Variants in CEP170B observed in about 807,000 individuals in gnomAD.
The protein encoded by CEP170B is centrosomal protein 170B.
A neutral mutation model predicts 120.6 loss-of-function variants in CEP170B; 55 were observed. The ratio of observed to expected loss-of-function variants is 0.46; its 90% CI spans 0.37 to 0.57. The LOEUF (loss-of-function observed/expected upper bound fraction) is 0.57, where lower values mean the gene tolerates loss of function less well. Ranked by LOEUF, CEP170B falls within the 20% of genes least tolerant of loss-of-function variation. CEP170B has a pLI of 0.00. For missense variants in CEP170B, 2,212 were observed against 2,253.3 expected (o/e 0.98, Z 0.37); for synonymous variants, 1,033 against 954.5 (o/e 1.08, Z -1.52).
chr14:104,878,039 A>T, intron 4 of CEP170B, 76 bp downstream of exon 4: 7 of 1,230,466 alleles, frequency 5.7e-6, no homozygotes, highest in Non-Finnish European at 8.2e-6. Flanking sequence ...GTTACTCCAG[A>T]AGCAGGGCTG....
rs889621281 is a variant in CEP170B, at chr14:104,887,986, C to T, written c.3739+8C>T. The T allele has an allele frequency of 1.1e-5, 16 of 1,478,830 alleles. No homozygotes were observed. The highest frequency in any genetic ancestry group is 2.8e-5 in the African/African-American group (2 of 72,000). The allele number at this position is 1,478,830 out of a possible 1,614,324, so 91.6% of individuals were successfully genotyped here. A position where few individuals can be genotyped will look rare whatever the true frequency, so the allele number is the denominator to read the frequency against. Reference sequence around the variant, plus strand: ...GTGCCCGATACACCTCCAGTGAGTGCCAGGGCGGGTGGGAGGCCAGGGCCA... The same window carrying T: ...GTGCCCGATACACCTCCAGTGAGTGTCAGGGCGGGTGGGAGGCCAGGGCCA... On this transcript the variant is annotated splice_region_variant and intron_variant, in intron 12 of 18. Transcript: ENST00000414716.
chr14:104,873,431 G>A (rs1010978057), intron 2 of CEP170B, among the ~76,000 whole-genome samples: 1 of 152,054 alleles, frequency 6.6e-6, no homozygotes, highest in African/African-American at 2.4e-5. Context: ...CCTGGGTGGG[G>A]TAAGGAAGGT....
rs1276611873 is a variant in CEP170B, at chr14:104,886,398, G to A, written c.2159G>A (p.Arg720Lys). 6.3e-7 allele frequency: 1 copy of A among 1,583,174 alleles called. No homozygotes were observed. The highest frequency in any genetic ancestry group is 8.6e-7 in the Non-Finnish European group (1 of 1,166,162). ...CCTGCGGGCCCAGAGAGCAGCAGGAGGAGTGGGCCTGGGCCACCGGAGCTG... is the reference window on the plus strand; with the variant it reads ...CCTGCGGGCCCAGAGAGCAGCAGGAAGAGTGGGCCTGGGCCACCGGAGCTG... Reference protein sequence around the residue: ...DSPAGPESSRRSGPGPPELDS... With the variant: ...DSPAGPESSRKSGPGPPELDS... Residue 720 changes from arginine to lysine, a missense_variant, in exon 12 of 19, where the codon AGG becomes AAG. Physicochemically the swap from Arg to Lys is conservative, Grantham distance 26. This residue lies in a region of CEP170B where 2,166 missense variants were observed against 2,166.7 expected (regional missense o/e 1.00). Transcript: ENST00000414716.
rs1337245716 is a variant in CEP170B at position 104,893,054 on chromosome 14, G to A, written c.3957G>A (p.Leu1319=). Residue 1319 remains leucine, a synonymous_variant, in exon 14 of 19, where the codon CTG becomes CTA. Transcript: ENST00000414716. The part of the protein sequence containing the change: ...IHDVAGDGDT[L]GSSEPAHSAS... ...ATGTGGCTGGGGACGGTGACACACT[G>A]GGCTCCTCGGAGCCTGCCCACAGCG... 1.9e-6 allele frequency: 3 copies of A among 1,598,028 alleles called. No individual in the cohort carries two copies. The highest frequency in any genetic ancestry group is 1.7e-5 in the Admixed American group (1 of 58,150).
At position 104,868,984 on chromosome 14, in the gene CEP170B, G is replaced by A. The variant is rs372249961; in HGVS notation, c.105+429G>A. Among the ~76,000 whole-genome samples, 1 of 152,190 alleles carries A rather than the reference G, an allele frequency of 6.6e-6. No homozygotes were observed. ...TGCTGTGAGTGCTGCCTGAGCGGGGGTCCCAGTATCTTGGTCCCAGCTGCA... is the reference window on the plus strand; with the variant it reads ...TGCTGTGAGTGCTGCCTGAGCGGGGATCCCAGTATCTTGGTCCCAGCTGCA... On this transcript the variant is annotated intron_variant, in intron 2 of 18. Transcript: ENST00000414716. The surrounding 1 kb of genome is among the most constrained non-coding windows in gnomAD (Gnocchi z 5.9).
rs1895314484 is a variant in CEP170B, at chr14:104,868,700, T to C, written c.105+145T>C. On this transcript the variant is annotated intron_variant, in intron 2 of 18. Coordinates refer to ENST00000414716, the MANE Select transcript of CEP170B (RefSeq NM_001112726.3). The surrounding 1 kb of genome is among the most constrained non-coding windows in gnomAD (Gnocchi z 5.9). ...CCCAGGCTGGGCCTCTTAACTTGGG[T>C]CCCGGATGCACCGAGGGCTCTGGGG... 1.3e-6 allele frequency: 1 copy of C among 769,244 alleles called. No individual in the cohort carries two copies. Among genetic ancestry groups the C allele is most frequent in the Non-Finnish European group, 2.1e-6 (1 of 484,536 alleles). The allele number at this position is 769,244 out of a possible 1,614,324, so 47.7% of individuals were successfully genotyped here.
rs531834208 is a variant in CEP170B, at chr14:104,866,457, G to A, written c.-28+944G>A. Among the ~76,000 whole-genome samples, 47 of 152,284 alleles carry A rather than the reference G, an allele frequency of 3.1e-4. No homozygotes were observed. The South Asian group carries it at 3.5e-3, about 11-fold the overall frequency. On this transcript the variant is annotated intron_variant, in intron 1 of 18. Coordinates refer to ENST00000414716, the MANE Select transcript of CEP170B (RefSeq NM_001112726.3). ...GTGGGGCTGTAGAGGCCTCCTGGAG[G>A]CTTTGCTGTCTGGGGCTGCAGGGTC...
intron 9 of CEP170B, 44 bp downstream of exon 9, chr14:104,884,593 G>C (rs9788596): frequency 1.7e-5 from 25 of 1,465,716 alleles, no homozygotes; most frequent in Admixed American, 6.2e-5. Context: ...GGAACGGGGG[G>C]GTGGAGGCGA....
At position 104,891,333 on chromosome 14, in the gene CEP170B, CA is replaced by C. The variant is rs908791072; in HGVS notation, c.3878+1576del. Among the ~76,000 whole-genome samples the C allele has an allele frequency of 1.3e-5, 2 of 151,902 alleles. No individual in the cohort carries two copies. Among genetic ancestry groups the C allele is most frequent in the African/African-American group, 4.8e-5 (2 of 41,332 alleles). On this transcript the variant is annotated intron_variant, in intron 13 of 18. Coordinates refer to ENST00000414716, the MANE Select transcript of CEP170B (RefSeq NM_001112726.3). This position sits in a 1 kb window ranked among gnomAD's most constrained non-coding sequence, Gnocchi z 4.3. ...AGTCCCTGAAAGGCTGTGGGGCAGG[CA>C]GGGGGGGTCCCAGGACCAGGGTGGA...
At chr14:104,883,557 C>A in intron 8 of CEP170B, 49 bp downstream of exon 8, 2 of 1,483,648 alleles carry the variant, frequency 1.3e-6, no homozygotes, top group Non-Finnish European at 1.8e-6. Context: ...GGCAGGGGAC[C>A]GGACTTTGGC....
chr14:104,872,163 C>T (rs1895526044), intron 2 of CEP170B, among the ~76,000 whole-genome samples: 1 of 113,806 alleles, frequency 8.8e-6, no homozygotes, highest in South Asian at 3.1e-4. Flanking sequence ...TGCGTGTGTG[C>T]CGCGTGTGTG....
intron 13 of CEP170B, 57 bp from the exon 14 acceptor site, chr14:104,892,919 C>T: frequency 6.5e-7 from 1 of 1,533,876 alleles, no homozygotes; most frequent in Non-Finnish European, 8.8e-7. Context: ...GCCTGTCTGG[C>T]CCCTGCTGCC....
rs1234216605 is a variant in CEP170B, at chr14:104,883,287, G to A, written c.830G>A (p.Ser277Asn). 6.2e-7 allele frequency: 1 copy of A among 1,611,986 alleles called. No individual in the cohort carries two copies. Among genetic ancestry groups the A allele is most frequent in the Non-Finnish European group, 8.5e-7 (1 of 1,179,688 alleles). The change falls in exon 8 of 19, where the codon AGC (serine) becomes AAC (asparagine). Residue 277 changes from serine to asparagine, a missense_variant. Physicochemically the swap from Ser to Asn is conservative, Grantham distance 46. Around this residue, in one of 2 missense-constraint regions of CEP170B, gnomAD observed 2,166 missense variants for 2,166.7 expected, o/e 1.00. Transcript: ENST00000414716. The stretch of plus-strand genomic sequence containing the variant: ...TTCACCATCGAGTTTGATGACTGCA[G>A]CCCTGGCAAGATGAAGATCAAGGAC... ...ASFTIEFDDC[S>N]PGKMKIKDHI...
chr14:104,894,966 A>C lies in CEP170B; in HGVS notation c.*8A>C, dbSNP rs751428894. On this transcript the variant is annotated 3_prime_UTR_variant, in exon 19 of 19. Coordinates refer to ENST00000414716, the MANE Select transcript of CEP170B (RefSeq NM_001112726.3). ...GAGAGGTTCCTGATCTAGGCCCCAG[A>C]CCTGGCCAGGCCAGCCTCCCTGTGC... is the stretch of plus-strand genomic sequence containing the variant. 1.9e-5 allele frequency: 29 copies of C among 1,555,008 alleles called. No homozygotes were observed. The highest frequency in any genetic ancestry group is 2.4e-5 in the Non-Finnish European group (27 of 1,146,804).
intron 9 of CEP170B, 89 bp downstream of exon 9, chr14:104,884,638 A>G (rs1896359660): frequency 1.7e-6 from 2 of 1,157,048 alleles, no homozygotes; most frequent in Admixed American, 2.4e-5. Flanking sequence ...CTCGTGGGGA[A>G]CGGGGGGTGG....
In CEP170B at chr14:104,894,749, C is replaced by G. The variant is rs993053007; in HGVS notation, c.4456C>G (p.Leu1486Val). The G allele has an allele frequency of 2.5e-6, 4 of 1,597,870 alleles. No individual in the cohort carries two copies. In the African/African-American group the frequency reaches 5.4e-5, roughly 21 times the overall value. The change falls in exon 19 of 19, where the codon CTG becomes GTG. Residue 1486 changes from leucine (L) to valine (V), a missense_variant. By Grantham distance (32) the Leu-to-Val change is conservative. This residue lies in a region of CEP170B where 2,166 missense variants were observed against 2,166.7 expected (regional missense o/e 1.00). Transcript: ENST00000414716. ...CGTGGACCCCAGTGGGAGCCTGGAC[C>G]TGCTCACAGGAAACAGGAGCTTGGC... ...AIVDPSGSLDLLTGNRSLASS... is the reference protein window; with the variant it reads ...AIVDPSGSLDVLTGNRSLASS...
Position 104,891,556 on chromosome 14 carries a change from G to A in CEP170B, c.3879-1420G>A, listed in dbSNP as rs1464652066. 6.6e-6 allele frequency among the ~76,000 whole-genome samples: 1 copy of A among 152,068 alleles called. No homozygotes were observed. Among genetic ancestry groups the A allele is most frequent in the Admixed American group, 6.5e-5 (1 of 15,276 alleles). ...GATGGGGACTGGGGACAGGGCTCTT[G>A]GGATGCTTGAGGTATTGGGGGAGCA... On this transcript the variant is annotated intron_variant, in intron 13 of 18. Transcript: ENST00000414716. The surrounding 1 kb of genome is among the most constrained non-coding windows in gnomAD (Gnocchi z 4.3).
rs369200261 is a variant in CEP170B at position 104,887,210 on chromosome 14, G to A, written c.2971G>A (p.Ala991Thr). The A allele has an allele frequency of 1.9e-6, 3 of 1,605,852 alleles. No homozygotes were observed. The highest frequency in any genetic ancestry group is 2.7e-5 in the African/African-American group (2 of 74,950). The part of the protein sequence containing the change: ...AQKEMSPSPP[A>T]AQDPGGTALV... The stretch of plus-strand genomic sequence containing the variant: ...GAAGGAGATGTCGCCATCCCCGCCA[G>A]CTGCACAGGACCCGGGAGGCACCGC... Residue 991 changes from alanine (A) to threonine (T), a missense_variant, in exon 12 of 19, where the codon GCT becomes ACT. Ala to Thr is a moderately conservative substitution (Grantham distance 58). Around this residue, in one of 2 missense-constraint regions of CEP170B, gnomAD observed 2,166 missense variants for 2,166.7 expected, o/e 1.00. Transcript: ENST00000414716.
intron 2 of CEP170B, among the ~76,000 whole-genome samples, chr14:104,874,328 G>A (rs1043308828): frequency 5.9e-5 from 9 of 152,170 alleles, no homozygotes; most frequent in African/African-American, 2.2e-4. Flanking sequence ...TGCCAGCTTC[G>A]GAGAAGGAAT....
Sources: allele counts gnomAD v4.1 joint callset (sites outside exome capture counted in the v4.1 genomes callset), GRCh38; gene constraint gnomAD v4.1.1; regional missense constraint gnomAD v4.1.1; non-coding constraint Gnocchi (gnomAD v3.1); transcripts MANE v1.5; gene names NCBI Gene and HGNC (gene_info 2026-07-23, HGNC 2026-07-21).